Variants in TLE1 observed in about 807,000 individuals in gnomAD.
TLE1 encodes transducin-like enhancer protein 1.
Under a neutral mutation model 89.8 loss-of-function variants are expected in TLE1, and 21 were observed. The observed-to-expected ratio is 0.23, with a 90% CI of 0.17 to 0.34. The LOEUF (loss-of-function observed/expected upper bound fraction) is 0.34. Ranked by LOEUF, TLE1 falls within the 10% of genes least tolerant of loss-of-function variation. TLE1 has a pLI of 1.00. For synonymous variants in TLE1, 447 were observed against 407.6 expected, an observed-to-expected ratio of 1.10 and a Z score of -1.16; for missense variants, 795 against 1,031.2, an observed-to-expected ratio of 0.77 and a Z score of 3.14.
At chr9:81,627,875 G>A (rs1389216272) in intron 8 of TLE1, among the ~76,000 whole-genome samples, 7 of 152,076 alleles carry the variant, frequency 4.6e-5, no homozygotes, top group Admixed American at 1.3e-4. Flanking sequence ...ACCTTGGCAC[G>A]TGGACCCTTA....
At chr9:81,611,707 C>G (rs1823729794) in intron 13 of TLE1, 62 bp downstream of exon 13, 2 of 1,372,656 alleles carry the variant, frequency 1.5e-6, no homozygotes, top group Non-Finnish European at 1.9e-6. Context: ...CCAAACCTGA[C>G]AGCGCTCAAT....
chr9:81,622,201 T>TC (rs974058544), intron 8 of TLE1, among the ~76,000 whole-genome samples: 5 of 152,114 alleles, frequency 3.3e-5, no homozygotes, highest in African/African-American at 4.8e-5. Flanking sequence ...AATACACCCC[T>TC]CCTAGTTTAC....
chr9:81,684,812 G>A (rs563094965), intron 4 of TLE1, among the ~76,000 whole-genome samples: 56 of 152,068 alleles, frequency 3.7e-4, no homozygotes, highest in African/African-American at 1.3e-3. Context: ...GAATGTCAGC[G>A]TATCTCCAGA....
intron 14 of TLE1, among the ~76,000 whole-genome samples, chr9:81,607,460 A>G (rs953561038): frequency 2.6e-5 from 4 of 152,128 alleles, no homozygotes; most frequent in African/African-American, 9.7e-5. Context: ...TGCATCTTCT[A>G]TTACACCCAA....
At chr9:81,605,412 T>G (rs1325367456) in intron 14 of TLE1, among the ~76,000 whole-genome samples, 1 of 152,182 alleles carries the variant, frequency 6.6e-6, no homozygotes, top group Non-Finnish European at 1.5e-5. Flanking sequence ...GTATTGTATG[T>G]TACAAATGTA....
At chr9:81,679,293 A>T (rs950338035) in intron 4 of TLE1, among the ~76,000 whole-genome samples, 43 of 136,510 alleles carry the variant, frequency 3.1e-4, no homozygotes, top group African/African-American at 1.1e-3. Flanking sequence ...AATTTTAAAA[A>T]TTTTTCTTCA....
At chr9:81,640,988 C>G (rs1395137701) in intron 6 of TLE1, among the ~76,000 whole-genome samples, 1 of 152,172 alleles carries the variant, frequency 6.6e-6, no homozygotes, top group Non-Finnish European at 1.5e-5. Flanking sequence ...ACAGACTTAA[C>G]CCAACCCAAA....
chr9:81,626,495 G>A (rs953676731), intron 8 of TLE1, among the ~76,000 whole-genome samples: 1 of 152,238 alleles, frequency 6.6e-6, no homozygotes, highest in African/African-American at 2.4e-5. Context: ...TAAAACTAAT[G>A]AGATCCCCAC....
chr9:81,651,161 A>G (rs1002414288), intron 6 of TLE1, among the ~76,000 whole-genome samples: 5 of 152,228 alleles, frequency 3.3e-5, no homozygotes, highest in Admixed American at 6.5e-5. Flanking sequence ...AGGGAACTAT[A>G]AAGACCAGCA....
intron 4 of TLE1, among the ~76,000 whole-genome samples, chr9:81,671,505 C>T (rs545234170): frequency 4.0e-4 from 61 of 152,010 alleles, no homozygotes; most frequent in African/African-American, 1.4e-3. Context: ...ATTAGCAGGG[C>T]GTGGTGGCAT....
At position 81,610,201 on chromosome 9, in the gene TLE1, A is replaced by T; in HGVS notation, c.1331+19T>A. 6.2e-7 allele frequency: 1 copy of T among 1,608,546 alleles called. No homozygotes were observed. The highest frequency in any genetic ancestry group is 8.5e-7 in the Non-Finnish European group (1 of 1,175,648). On this transcript the variant is annotated intron_variant, in intron 14 of 19. Coordinates refer to ENST00000376499, the MANE Select transcript of TLE1 (RefSeq NM_005077.5). ...AGTAACCACCTTTAAAACAAAACCA[A>T]GGTCTTTGAGGTACTTACGGTTTCC...
intron 4 of TLE1, among the ~76,000 whole-genome samples, chr9:81,667,753 T>C (rs1361554997): frequency 3.9e-5 from 6 of 152,168 alleles, no homozygotes; most frequent in Admixed American, 3.9e-4. Flanking sequence ...GAGGTGGTCC[T>C]TTGGGAAGGA....
At chr9:81,622,021 G>T (rs1008140530) in intron 8 of TLE1, among the ~76,000 whole-genome samples, 7 of 152,106 alleles carry the variant, frequency 4.6e-5, no homozygotes, top group African/African-American at 1.7e-4. Flanking sequence ...GAGCCGGCTG[G>T]ATCCCCGAAC....
chr9:81,599,404 C>G (rs1364294298), intron 14 of TLE1, among the ~76,000 whole-genome samples: 1 of 152,116 alleles, frequency 6.6e-6, no homozygotes, highest in African/African-American at 2.4e-5. Context: ...ACACCTACCC[C>G]ACACATCGTG....
chr9:81,595,023 T>C (rs1402961101), intron 14 of TLE1, among the ~76,000 whole-genome samples: 1 of 152,204 alleles, frequency 6.6e-6, no homozygotes, highest in Non-Finnish European at 1.5e-5. Context: ...CAGTAACTAA[T>C]AGTAAATAGC....
intron 2 of TLE1, among the ~76,000 whole-genome samples, chr9:81,686,695 C>T (rs1834328904): frequency 6.6e-6 from 1 of 152,136 alleles, no homozygotes; most frequent in South Asian, 2.1e-4. Context: ...AAGTATTTTA[C>T]AAAAATTTAT....
intron 14 of TLE1, among the ~76,000 whole-genome samples, chr9:81,607,021 T>A (rs815848): frequency 6.7e-5 from 10 of 150,080 alleles, no homozygotes; most frequent in Non-Finnish European, 1.2e-4. Context: ...CCCAGGAGTT[T>A]GAAACCAGCC....
intron 1 of TLE1, among the ~76,000 whole-genome samples, chr9:81,687,660 C>T (rs1188999588): frequency 1.3e-5 from 2 of 152,050 alleles, no homozygotes; most frequent in Admixed American, 6.5e-5. Context: ...GTCTCCAGGG[C>T]GGATTGCGCT....
intron 2 of TLE1, among the ~76,000 whole-genome samples, chr9:81,686,346 C>T (rs557961225): frequency 2.6e-5 from 4 of 152,308 alleles, no homozygotes; most frequent in African/African-American, 9.6e-5. Context: ...TTGCTGGTCC[C>T]TTTCAAAACC....
Sources: allele counts gnomAD v4.1 joint callset (sites outside exome capture counted in the v4.1 genomes callset), GRCh38; gene constraint gnomAD v4.1.1; transcripts MANE v1.5; gene names NCBI Gene and HGNC (gene_info 2026-07-23, HGNC 2026-07-21).